DXO: variants seen among roughly 807,000 people sequenced by gnomAD.
The protein encoded by DXO is decapping and exoribonuclease protein.
Under a neutral mutation model 39.8 loss-of-function variants are expected in DXO, and 42 were observed. That is an observed-to-expected ratio of 1.06 (90% CI 0.83 to 1.37). The LOEUF (loss-of-function observed/expected upper bound fraction) is 1.37. Among genes scored for constraint, DXO ranks in the 40% most tolerant of loss-of-function variants. The pLI is 0.00. For missense variants in DXO, 495 were observed against 513.0 expected, an observed-to-expected ratio of 0.96 and a Z score of 0.34; for synonymous variants, 193 against 200.4, an observed-to-expected ratio of 0.96 and a Z score of 0.31.
Position 31,970,285 on chromosome 6 carries a change from A to T in DXO, c.948+58T>A, listed in dbSNP as rs1279360857. ...AAGGCAGGCTGTTGCCCTGGATGCTAGACCTGTGGTCTTGGTGTTTGGGGA... is the reference window on the plus strand; with the variant it reads ...AAGGCAGGCTGTTGCCCTGGATGCTTGACCTGTGGTCTTGGTGTTTGGGGA... On this transcript the variant is annotated intron_variant, in intron 5 of 6. Transcript: ENST00000337523. This position sits in a 1 kb window ranked among gnomAD's most constrained non-coding sequence, Gnocchi z 4.0. 1 of 1,613,834 alleles carries T rather than the reference A, an allele frequency of 6.2e-7. No homozygotes were observed. The highest frequency in any genetic ancestry group is 1.3e-5 in the African/African-American group (1 of 74,880).
rs1168583067 is a variant in DXO, at chr6:31,971,702, G to C, written c.-6-21C>G. On this transcript the variant is annotated intron_variant, in intron 1 of 6. Transcript: ENST00000337523. The surrounding 1 kb of genome is among the most constrained non-coding windows in gnomAD (Gnocchi z 4.5). ...AGGTCCTAAGACAAGCAGGGGTACA[G>C]AGTTTCCATTCTACAGAGGAGGCCT... is the stretch of plus-strand genomic sequence containing the variant. 8 of 1,582,136 alleles carry C rather than the reference G, an allele frequency of 5.1e-6. No homozygotes were observed. Among genetic ancestry groups the C allele is most frequent in the Non-Finnish European group, 4.3e-6 (5 of 1,168,476 alleles).
In DXO at chr6:31,971,649, T is replaced by TCC; in HGVS notation, c.25_26dup (p.Ala10GlufsTer7). 1 of 1,608,990 alleles carries TCC rather than the reference T, an allele frequency of 6.2e-7. No individual in the cohort carries two copies. The highest frequency in any genetic ancestry group is 8.5e-7 in the Non-Finnish European group (1 of 1,179,850). On this transcript the variant is annotated frameshift_variant, in exon 2 of 7. Transcript: ENST00000337523. LOFTEE classifies it high-confidence loss of function. The surrounding 1 kb of genome is among the most constrained non-coding windows in gnomAD (Gnocchi z 4.5). ...GCTCAGCTACCTCTGTCTTCTCAGC[T>TCC]CCTCTCTTGGTCCCCCTGGGATCCA...
chr6:31,971,961 C>A lies in DXO; in HGVS notation c.-39G>T. The A allele has an allele frequency of 6.3e-7, 1 of 1,578,420 alleles. No homozygotes were observed. Among genetic ancestry groups the A allele is most frequent in the Non-Finnish European group, 8.6e-7 (1 of 1,158,172 alleles). ...CTCCCCAACTTCCACCTCCGCAGAG[C>A]TATGACGTCATGGCAGGCACGCCAG... On this transcript the variant is annotated 5_prime_UTR_variant, in exon 1 of 7. The change abolishes the stop of an existing upstream ORF in the 5' untranslated region. Transcript: ENST00000337523. This position sits in a 1 kb window ranked among gnomAD's most constrained non-coding sequence, Gnocchi z 4.5.
Position 31,970,857 on chromosome 6 carries a change from G to GC in DXO, c.593-33_593-32insG, listed in dbSNP as rs1354825362. The GC allele has an allele frequency of 6.2e-7, 1 of 1,612,066 alleles. No homozygotes were observed. Among genetic ancestry groups the GC allele is most frequent in the Admixed American group, 1.7e-5 (1 of 60,008 alleles). ...AAGGAGAGAAGCAGCAGCAGGCGTG[G>GC]GGGGCTCTCAACCTCTGGGAAGGGG... On this transcript the variant is annotated intron_variant, in intron 3 of 6. Coordinates refer to ENST00000337523, the MANE Select transcript of DXO (RefSeq NM_005510.4). The surrounding 1 kb of genome is among the most constrained non-coding windows in gnomAD (Gnocchi z 4.0).
chr6:31,971,960 G>C lies in DXO; in HGVS notation c.-38C>G, dbSNP rs1773379684. 6.3e-7 allele frequency: 1 copy of C among 1,577,422 alleles called. No homozygotes were observed. The highest frequency in any genetic ancestry group is 8.6e-7 in the Non-Finnish European group (1 of 1,157,584). On this transcript the variant is annotated 5_prime_UTR_variant, in exon 1 of 7. Transcript: ENST00000337523. The surrounding 1 kb of genome is among the most constrained non-coding windows in gnomAD (Gnocchi z 4.5). Reference sequence around the variant, plus strand: ...GCTCCCCAACTTCCACCTCCGCAGAGCTATGACGTCATGGCAGGCACGCCA... The same window carrying C: ...GCTCCCCAACTTCCACCTCCGCAGACCTATGACGTCATGGCAGGCACGCCA...
chr6:31,970,600 C>T lies in DXO; in HGVS notation c.812+6G>A, dbSNP rs1466060397. The T allele has an allele frequency of 2.5e-6, 4 of 1,613,138 alleles. No individual in the cohort carries two copies. The highest frequency in any genetic ancestry group is 2.2e-5 in the South Asian group (2 of 91,080). On this transcript the variant is annotated splice_donor_region_variant and intron_variant, in intron 4 of 6. Coordinates refer to ENST00000337523, the MANE Select transcript of DXO (RefSeq NM_005510.4). This position sits in a 1 kb window ranked among gnomAD's most constrained non-coding sequence, Gnocchi z 4.0. ...AGCTCTCGCCCTGCCCACCCCGATCCTGAACCTGTAGAAACTCCTCCATTG... is the reference window on the plus strand; with the variant it reads ...AGCTCTCGCCCTGCCCACCCCGATCTTGAACCTGTAGAAACTCCTCCATTG...
chr6:31,969,825 A>G lies in DXO; in HGVS notation c.*52T>C, dbSNP rs549307349. On this transcript the variant is annotated 3_prime_UTR_variant, in exon 7 of 7. Coordinates refer to ENST00000337523, the MANE Select transcript of DXO (RefSeq NM_005510.4). The surrounding 1 kb of genome is among the most constrained non-coding windows in gnomAD (Gnocchi z 6.1). ...GACAGCGAGAGAACCTCTTAGAAAT[A>G]TGCTTTTATTATCTGCACACAGAGA... is the stretch of plus-strand genomic sequence containing the variant. 1.9e-6 allele frequency: 3 copies of G among 1,612,624 alleles called. No individual in the cohort carries two copies. Among genetic ancestry groups the G allele is most frequent in the African/African-American group, 2.7e-5 (2 of 74,976 alleles).
In DXO at chr6:31,970,812, G is replaced by C. The variant is rs144960609; in HGVS notation, c.606C>G (p.Ser202Arg). 1.9e-6 allele frequency: 3 copies of C among 1,612,846 alleles called. No individual in the cohort carries two copies. In the African/African-American group the frequency reaches 4.0e-5, roughly 22 times the overall value. ...TAACCTCCCCAGAGGGGTCTGGGGA[G>C]CTTCCAGGTTTGTCTGCACAAGGAG... The part of the protein sequence containing the change: ...EQYMCADKPG[S>R]SPDPSGEVNT... The change falls in exon 4 of 7, where the codon AGC (serine) becomes AGG (arginine). Residue 202 changes from serine to arginine, a missense_variant. Coordinates refer to ENST00000337523, the MANE Select transcript of DXO (RefSeq NM_005510.4). This position sits in a 1 kb window ranked among gnomAD's most constrained non-coding sequence, Gnocchi z 4.0.
chr6:31,969,924 T>C lies in DXO; in HGVS notation c.1144A>G (p.Met382Val). ...AFLPIWYVEA[M>V]TQDLPSPPKT... ...GGGGGTGATGGGAGGTCCTGAGTCA[T>C]AGCTTCCACATACCATATGGGCAGG... Residue 382 changes from methionine to valine, a missense_variant, in exon 7 of 7, where the codon ATG becomes GTG. Physicochemically the swap from Met to Val is conservative, Grantham distance 21 (BLOSUM62 1). Coordinates refer to ENST00000337523, the MANE Select transcript of DXO (RefSeq NM_005510.4). The surrounding 1 kb of genome is among the most constrained non-coding windows in gnomAD (Gnocchi z 6.1). 3 of 1,613,988 alleles carry C rather than the reference T, an allele frequency of 1.9e-6. No individual in the cohort carries two copies. The highest frequency in any genetic ancestry group is 2.5e-6 in the Non-Finnish European group (3 of 1,179,982).
In DXO at chr6:31,970,051, G is replaced by C; in HGVS notation, c.1044-27C>G. ...TGGGGGGCAGATGGAGGCATCAGTT[G>C]AGGGCCAGAGGCTGGATCCTGGGAT... On this transcript the variant is annotated intron_variant, in intron 6 of 6. Transcript: ENST00000337523. The surrounding 1 kb of genome is among the most constrained non-coding windows in gnomAD (Gnocchi z 4.0). 1 of 1,614,070 alleles carries C rather than the reference G, an allele frequency of 6.2e-7. No homozygotes were observed. Among genetic ancestry groups the C allele is most frequent in the Non-Finnish European group, 8.5e-7 (1 of 1,180,012 alleles).
chr6:31,970,273 G>T lies in DXO; in HGVS notation c.948+70C>A. On this transcript the variant is annotated intron_variant, in intron 5 of 6. Transcript: ENST00000337523. This position sits in a 1 kb window ranked among gnomAD's most constrained non-coding sequence, Gnocchi z 4.0. Reference sequence around the variant, plus strand: ...GTGGGAGGAGAGAAGGCAGGCTGTTGCCCTGGATGCTAGACCTGTGGTCTT... The same window carrying T: ...GTGGGAGGAGAGAAGGCAGGCTGTTTCCCTGGATGCTAGACCTGTGGTCTT... 6.2e-7 allele frequency: 1 copy of T among 1,613,970 alleles called. No individual in the cohort carries two copies.
chr6:31,970,779 G>A lies in DXO; in HGVS notation c.639C>T (p.Asn213=). ...TGCGTAGCACAGAGCAGAAGGCCAC[G>A]TTGGTGTTAACCTCCCCAGAGGGGT... is the stretch of plus-strand genomic sequence containing the variant. ...SPDPSGEVNT[N]VAFCSVLRSR... The change falls in exon 4 of 7, where the codon AAC becomes AAT. Residue 213 remains asparagine (N), a synonymous_variant. Coordinates refer to ENST00000337523, the MANE Select transcript of DXO (RefSeq NM_005510.4). This position sits in a 1 kb window ranked among gnomAD's most constrained non-coding sequence, Gnocchi z 4.0. 3.1e-6 allele frequency: 5 copies of A among 1,612,860 alleles called. No individual in the cohort carries two copies. The highest frequency in any genetic ancestry group is 2.2e-5 in the East Asian group (1 of 44,868).
At position 31,970,009 on chromosome 6, in the gene DXO, G is replaced by C. The variant is rs1562674206; in HGVS notation, c.1059C>G (p.Phe353Leu). ...VQDDPRLVHL[F>L]SWEPGGPVTV... is the part of the protein sequence containing the mutation. ...TGACTGGGCCGCCAGGCTCCCAAGAGAAGAGATGAACGAGCCTGGGGGGCA... is the reference window on the plus strand; with the variant it reads ...TGACTGGGCCGCCAGGCTCCCAAGACAAGAGATGAACGAGCCTGGGGGGCA... Residue 353 changes from phenylalanine to leucine, a missense_variant, in exon 7 of 7, where the codon TTC (phenylalanine) becomes TTG (leucine). Coordinates refer to ENST00000337523, the MANE Select transcript of DXO (RefSeq NM_005510.4). The surrounding 1 kb of genome is among the most constrained non-coding windows in gnomAD (Gnocchi z 4.0). 2 of 1,614,080 alleles carry C rather than the reference G, an allele frequency of 1.2e-6. No homozygotes were observed. Among genetic ancestry groups the C allele is most frequent in the Admixed American group, 3.3e-5 (2 of 60,020 alleles).
In DXO at chr6:31,971,994, A is replaced by G. The variant is rs377166740; in HGVS notation, c.-72T>C. 12 of 1,597,732 alleles carry G rather than the reference A, an allele frequency of 7.5e-6. No individual in the cohort carries two copies. The highest frequency in any genetic ancestry group is 1.0e-5 in the Non-Finnish European group (12 of 1,167,876). On this transcript the variant is annotated 5_prime_UTR_variant, in exon 1 of 7. Coordinates refer to ENST00000337523, the MANE Select transcript of DXO (RefSeq NM_005510.4). This position sits in a 1 kb window ranked among gnomAD's most constrained non-coding sequence, Gnocchi z 4.5. ...TCATGGCAGGCACGCCAGAGGCCGAAGGATGCAAAAGTGGTTTTCTGCTTT... is the reference window on the plus strand; with the variant it reads ...TCATGGCAGGCACGCCAGAGGCCGAGGGATGCAAAAGTGGTTTTCTGCTTT...
rs1359699137 is a variant in DXO, at chr6:31,970,928, C to T, written c.576G>A (p.Glu192=). The T allele has an allele frequency of 8.7e-6, 14 of 1,612,580 alleles. 1 individual carries two copies. Among genetic ancestry groups the T allele is most frequent in the Middle Eastern group, 1.6e-4 (1 of 6,084 alleles). Residue 192 remains glutamate, a synonymous_variant, in exon 3 of 7, where the codon GAG becomes GAA. Transcript: ENST00000337523. The surrounding 1 kb of genome is among the most constrained non-coding windows in gnomAD (Gnocchi z 4.0). The part of the protein sequence containing the change: ...RELMYMGYKF[E]QYMCADKPGS... ...GCAACTCACCTGCACACATGTACTG[C>T]TCAAATTTGTATCCCATGTACATAA...
Position 31,970,778 on chromosome 6 carries a change from C to T in DXO, c.640G>A (p.Val214Met), listed in dbSNP as rs1773214394. ...CTGCGTAGCACAGAGCAGAAGGCCA[C>T]GTTGGTGTTAACCTCCCCAGAGGGG... The part of the protein sequence containing the change: ...PDPSGEVNTN[V>M]AFCSVLRSRL... Residue 214 changes from valine (V) to methionine (M), a missense_variant, in exon 4 of 7, where the codon GTG becomes ATG. Coordinates refer to ENST00000337523, the MANE Select transcript of DXO (RefSeq NM_005510.4). The surrounding 1 kb of genome is among the most constrained non-coding windows in gnomAD (Gnocchi z 4.0). The T allele has an allele frequency of 6.2e-7, 1 of 1,612,792 alleles. No homozygotes were observed. The highest frequency in any genetic ancestry group is 8.5e-7 in the Non-Finnish European group (1 of 1,179,960).
rs1457979954 is a variant in DXO at position 31,971,053 on chromosome 6, GCTGCCAGCCCTC to G, written c.439_450del (p.Glu147_Gln150del). Reference sequence around the variant, plus strand: ...GTTCCCTGGAACCGGGAGGCTGCCAGCTGCCAGCCCTCCTGCCGCTCATACGGTGTCGTCAGC... The same window carrying G: ...GTTCCCTGGAACCGGGAGGCTGCCAGCTGCCGCTCATACGGTGTCGTCAGC... On this transcript the variant is annotated inframe_deletion, in exon 3 of 7. Transcript: ENST00000337523. This position sits in a 1 kb window ranked among gnomAD's most constrained non-coding sequence, Gnocchi z 4.5. The G allele has an allele frequency of 1.2e-6, 2 of 1,612,876 alleles. No homozygotes were observed. The highest frequency in any genetic ancestry group is 2.7e-5 in the African/African-American group (2 of 74,924).
Position 31,971,892 on chromosome 6 carries a change from G to A in DXO, c.-7+37C>T. On this transcript the variant is annotated intron_variant, in intron 1 of 6. Coordinates refer to ENST00000337523, the MANE Select transcript of DXO (RefSeq NM_005510.4). The surrounding 1 kb of genome is among the most constrained non-coding windows in gnomAD (Gnocchi z 4.5). ...AGGTCCTCCAAATGCAGTGAGGTTAGGAAGGACGTCTGCGCTCAGATCAAG... is the reference window on the plus strand; with the variant it reads ...AGGTCCTCCAAATGCAGTGAGGTTAAGAAGGACGTCTGCGCTCAGATCAAG... 6.7e-7 allele frequency: 1 copy of A among 1,498,912 alleles called. No individual in the cohort carries two copies. Among genetic ancestry groups the A allele is most frequent in the Non-Finnish European group, 8.9e-7 (1 of 1,118,558 alleles). The allele number at this position is 1,498,912 out of a possible 1,614,324, so 92.9% of individuals were successfully genotyped here. A position where few individuals can be genotyped will look rare whatever the true frequency, so the allele number is the denominator to read the frequency against.
chr6:31,969,960 G>T lies in DXO; in HGVS notation c.1108C>A (p.Pro370Thr). ...TACCATATGGGCAGGAAGGCGTAAG[G>T]TGCATCTTGGTGTACAGACACGGTG... ...PVTVSVHQDA[P>T]YAFLPIWYVE... Residue 370 changes from proline (P) to threonine (T), a missense_variant, in exon 7 of 7, where the codon CCT becomes ACT. Coordinates refer to ENST00000337523, the MANE Select transcript of DXO (RefSeq NM_005510.4). The surrounding 1 kb of genome is among the most constrained non-coding windows in gnomAD (Gnocchi z 6.1). 1 of 1,614,106 alleles carries T rather than the reference G, an allele frequency of 6.2e-7. No individual in the cohort carries two copies. The highest frequency in any genetic ancestry group is 8.5e-7 in the Non-Finnish European group (1 of 1,180,034).
Sources: allele counts gnomAD v4.1 joint callset, GRCh38; gene constraint gnomAD v4.1.1; non-coding constraint Gnocchi (gnomAD v3.1); transcripts MANE v1.5; gene names NCBI Gene and HGNC (gene_info 2026-07-23, HGNC 2026-07-21).